The following AGMO variants were observed in gnomAD, a reference collection of about 807,000 sequenced individuals.
AGMO encodes glyceryl-ether monooxygenase.
A neutral mutation model predicts 60.2 loss-of-function variants in AGMO; 75 were observed. The ratio of observed to expected loss-of-function variants is 1.25; its 90% CI spans 1.03 to 1.51. The LOEUF is 1.51. Ranked by LOEUF, AGMO falls within the 40% of genes most tolerant of loss-of-function variation. The pLI, the probability that AGMO is intolerant of heterozygous loss-of-function variation, is 0.00. For synonymous variants in AGMO, 261 were observed against 177.1 expected (o/e 1.47, Z -3.76); for missense variants, 763 against 525.5 (o/e 1.45, Z -4.42).
intron 12 of AGMO, among the ~76,000 whole-genome samples, chr7:15,303,593 G>A: frequency 6.6e-6 from 1 of 152,022 alleles, no homozygotes; most frequent in Non-Finnish European, 1.5e-5. Flanking sequence ...GATGACCTCG[G>A]CTGTTTAACT....
chr7:15,373,467 C>T (rs1057269278), intron 10 of AGMO, among the ~76,000 whole-genome samples: 26 of 152,034 alleles, frequency 1.7e-4, no homozygotes, highest in African/African-American at 5.3e-4. Flanking sequence ...ACATGTTTGA[C>T]GCCATGTTAC....
rs116143732 is a variant in AGMO, at chr7:15,403,528, A to T, written c.610-9349T>A. On this transcript the variant is annotated intron_variant, in intron 5 of 12. Coordinates refer to ENST00000342526, the MANE Select transcript of AGMO (RefSeq NM_001004320.2). ...AGGTAGAATAAATGACAACATCAGC[A>T]TTTATTGTTTGAATATACATAAAAA... is the stretch of plus-strand genomic sequence containing the variant. Among the ~76,000 whole-genome samples the T allele has an allele frequency of 6.3e-3, 952 of 152,098 alleles. 7 individuals carry two copies. The highest frequency in any genetic ancestry group is 0.022 in the African/African-American group (897 of 41,560).
chr7:15,190,159 TTA>T, the AGMO span, among the ~76,000 whole-genome samples: 1 of 2,710 alleles, frequency 3.7e-4, no homozygotes, highest in Non-Finnish European at 8.7e-4. Flanking sequence ...ATATATATAT[TTA>T]TATATATATA....
At chr7:15,248,884 A>C (rs1020749663) in intron 12 of AGMO, among the ~76,000 whole-genome samples, 1 of 152,232 alleles carries the variant, frequency 6.6e-6, no homozygotes, top group Non-Finnish European at 1.5e-5. Flanking sequence ...CTGCAATGTA[A>C]GAAAACGTCC....
intron 2 of AGMO, among the ~76,000 whole-genome samples, chr7:15,545,878 T>A (rs1784766957): frequency 1.3e-5 from 2 of 151,964 alleles, no homozygotes; most frequent in Admixed American, 1.3e-4. Context: ...TTATTAAATA[T>A]AAAATGAATT....
the AGMO span, among the ~76,000 whole-genome samples, chr7:15,194,963 G>C: frequency 1.9e-3 from 287 of 152,260 alleles, 7 homozygotes; most frequent in Non-Finnish European, 3.7e-4. Flanking sequence ...AGTTGCATTT[G>C]TCTAATGTCT....
intron 10 of AGMO, among the ~76,000 whole-genome samples, chr7:15,371,590 T>A (rs886798870): frequency 1.3e-5 from 2 of 152,008 alleles, no homozygotes; most frequent in African/African-American, 4.8e-5. Flanking sequence ...AGAGATGGGG[T>A]TTCACCATGT....
chr7:15,303,442 A>G (rs1454949239), intron 12 of AGMO, among the ~76,000 whole-genome samples: 1 of 151,864 alleles, frequency 6.6e-6, no homozygotes, highest in Non-Finnish European at 1.5e-5. Flanking sequence ...AACAGAAAAA[A>G]AAAAGAGAGA....
At chr7:15,310,213 C>A (rs1017690832) in intron 12 of AGMO, among the ~76,000 whole-genome samples, 2 of 152,102 alleles carry the variant, frequency 1.3e-5, no homozygotes, top group African/African-American at 2.4e-5. Flanking sequence ...GTTATTTAAA[C>A]AAATGCAAAA....
chr7:15,289,919 AAG>A (rs1784209440), intron 12 of AGMO, among the ~76,000 whole-genome samples: 1 of 142,994 alleles, frequency 7.0e-6, no homozygotes, highest in Non-Finnish European at 1.5e-5. Flanking sequence ...CATCACATCC[AAG>A]AGTATCATTT....
At chr7:15,184,355 GAGGGAAGGA>G in the AGMO span, among the ~76,000 whole-genome samples, 1 of 27,824 alleles carries the variant, frequency 3.6e-5, no homozygotes, top group Non-Finnish European at 6.1e-5. Context: ...AGAAGGGAGG[GAGGGAAGGA>G]AGGGAAGGAA....
chr7:15,551,622 G>C (rs1439832241), intron 2 of AGMO, among the ~76,000 whole-genome samples: 168 of 151,240 alleles, frequency 1.1e-3, no homozygotes, highest in African/African-American at 3.9e-3. Context: ...GGATGTGAAG[G>C]ACCTCTTCAA....
At chr7:15,194,193 A>T in the AGMO span, among the ~76,000 whole-genome samples, 1 of 152,206 alleles carries the variant, frequency 6.6e-6, no homozygotes, top group Admixed American at 6.5e-5. Flanking sequence ...GTTAAAAATT[A>T]CTTCAGTTAC....
chr7:15,511,200 C>A (rs1783662233), intron 3 of AGMO, among the ~76,000 whole-genome samples: 1 of 152,048 alleles, frequency 6.6e-6, no homozygotes, highest in Non-Finnish European at 1.5e-5. Flanking sequence ...CATCCTATCA[C>A]AGGGCACTCA....
intron 12 of AGMO, among the ~76,000 whole-genome samples, chr7:15,352,486 GAAT>G (rs1414595705): frequency 1.3e-5 from 2 of 148,256 alleles, no homozygotes; most frequent in African/African-American, 2.5e-5. Context: ...TGCAAAGGAA[GAAT>G]AATGAGCAGC....
chr7:15,155,069 T>C, the AGMO span, among the ~76,000 whole-genome samples: 1 of 152,194 alleles, frequency 6.6e-6, no homozygotes, highest in African/African-American at 2.4e-5. Context: ...CTGATGACTA[T>C]GTGTCTTGGG....
chr7:15,305,095 C>T (rs1462385871), intron 12 of AGMO, among the ~76,000 whole-genome samples: 1 of 151,472 alleles, frequency 6.6e-6, no homozygotes, highest in Non-Finnish European at 1.5e-5. Context: ...AGTGATTATC[C>T]AGTAACTTGT....
chr7:15,322,985 A>T lies in AGMO; in HGVS notation c.1263+42529T>A, dbSNP rs201200693. 5.5e-3 allele frequency among the ~76,000 whole-genome samples: 439 copies of T among 79,880 alleles called. 4 individuals are homozygous for T. The highest frequency in any genetic ancestry group is 0.02 in the African/African-American group (417 of 20,842). The allele number at this position is 79,880 out of a possible 152,430, so 52.4% of individuals were successfully genotyped here. On this transcript the variant is annotated intron_variant, in intron 12 of 12. Transcript: ENST00000342526. The stretch of plus-strand genomic sequence containing the variant: ...CGTGTGTGTATATATATATGTATTT[A>T]TTTTTTATTTTTTCCTGTATCAAGA...
rs1427392214 is a variant in AGMO, at chr7:15,322,557, A to AATATATAAATATATATAAAT, written c.1263+42937_1263+42956dup. ...ATAAATATATATATAAATATATATA[A>AATATATAAATATATATAAAT]ATATATAAATATATATAAATATATA... On this transcript the variant is annotated intron_variant, in intron 12 of 12. Coordinates refer to ENST00000342526, the MANE Select transcript of AGMO (RefSeq NM_001004320.2). Among the ~76,000 whole-genome samples, 5 of 44,266 alleles carry AATATATAAATATATATAAAT rather than the reference A, an allele frequency of 1.1e-4. 1 individual carries two copies. The highest frequency in any genetic ancestry group is 1.8e-4 in the Non-Finnish European group (5 of 28,432). 29.0% of individuals were successfully genotyped at this position (44,266 alleles called of 152,430 possible).
Sources: allele counts gnomAD v4.1 joint callset (sites outside exome capture counted in the v4.1 genomes callset), GRCh38; gene constraint gnomAD v4.1.1; transcripts MANE v1.5; gene names NCBI Gene and HGNC (gene_info 2026-07-23, HGNC 2026-07-21).